ZNF880: variants seen among roughly 807,000 people sequenced by gnomAD.
The protein encoded by ZNF880 is zinc finger protein LOC400713.
ZNF880 carries 12 observed loss-of-function variants against 11.8 expected under a neutral mutation model. The ratio of observed to expected loss-of-function variants is 1.02; its 90% CI spans 0.65 to 1.65. The LOEUF is 1.65. Ranked by LOEUF, ZNF880 falls within the 40% of genes most tolerant of loss-of-function variation. ZNF880 has a pLI of 0.00. For missense variants in ZNF880, 601 were observed against 673.9 expected, an observed-to-expected ratio of 0.89 and a Z score of 1.20; for synonymous variants, 210 against 232.4, an observed-to-expected ratio of 0.90 and a Z score of 0.88.
chr19:52,397,409 T>G, the ZNF880 span: 2 of 152,226 alleles, frequency 1.3e-5, no homozygotes, highest in African/African-American at 4.8e-5. Context: ...CAAAGTGTGT[T>G]AATTCAATTC....
At chr19:52,388,036 C>T (rs34983741), downstream of ZNF880, among the ~76,000 whole-genome samples, 14,678 of 138,532 alleles carry the variant, frequency 0.11, 2,393 homozygotes, top group South Asian at 0.32. Flanking sequence ...CGCACCACCA[C>T]GCCCGGCTAA....
At chr19:52,378,908 T>C (rs1351228069) in intron 3 of ZNF880, among the ~76,000 whole-genome samples, 4 of 151,602 alleles carry the variant, frequency 2.6e-5, no homozygotes, top group Non-Finnish European at 4.4e-5. Flanking sequence ...CAAGAACTTG[T>C]CTCTACAAAA....
chr19:52,369,194 C>G (rs1418349813), upstream of ZNF880, among the ~76,000 whole-genome samples: 1 of 151,400 alleles, frequency 6.6e-6, no homozygotes, highest in African/African-American at 2.4e-5. Context: ...AACCCTGTCT[C>G]TATTAAAAGT....
upstream of ZNF880, among the ~76,000 whole-genome samples, chr19:52,368,081 C>G (rs1266859360): frequency 2.0e-5 from 3 of 151,474 alleles, no homozygotes; most frequent in African/African-American, 7.3e-5. Context: ...TGGTGTGCAC[C>G]TGTAATCCCA....
chr19:52,373,226 T>C lies in ZNF880; in HGVS notation c.128T>C (p.Leu43Pro), dbSNP rs1986443958. 1 of 1,612,066 alleles carries C rather than the reference T, an allele frequency of 6.2e-7. No homozygotes were observed. Among genetic ancestry groups the C allele is most frequent in the Admixed American group, 1.7e-5 (1 of 59,800 alleles). Reference protein sequence around the residue: ...REVMVENYRNLVFLGICLPDL... With the variant: ...REVMVENYRNPVFLGICLPDL... ...GTGATGGTGGAGAACTACAGGAACC[T>C]GGTCTTTCTGGGTGAGGATAATGTC... The change falls in exon 2 of 4, where the codon CTG becomes CCG. Residue 43 changes from leucine (L) to proline (P), a missense_variant. Around this residue, in one of 3 missense-constraint regions of ZNF880, gnomAD observed 420 missense variants for 442.6 expected, o/e 0.95. Transcript: ENST00000422689.
At position 52,384,854 on chromosome 19, in the gene ZNF880, C is replaced by T. The variant is rs762480390; in HGVS notation, c.1274C>T (p.Ala425Val). 7 of 1,452,094 alleles carry T rather than the reference C, an allele frequency of 4.8e-6. No individual in the cohort carries two copies. In the African/African-American group the frequency reaches 1.2e-4, roughly 25 times the overall value. 90.0% of individuals were successfully genotyped at this position (1,452,094 alleles called of 1,614,324 possible). Reference sequence around the variant, plus strand: ...TTTAGAGACTGTTCAGGCCTTACTGCCCATCTACTAATTCACACTGGAGAG... The same window carrying T: ...TTTAGAGACTGTTCAGGCCTTACTGTCCATCTACTAATTCACACTGGAGAG... ...KAFRDCSGLTAHLLIHTGEKP... is the reference protein window; with the variant it reads ...KAFRDCSGLTVHLLIHTGEKP... The change falls in exon 4 of 4, where the codon GCC becomes GTC. Residue 425 changes from alanine (A) to valine (V), a missense_variant. Ala to Val is a moderately conservative substitution (Grantham distance 64, BLOSUM62 0). Around this residue, in one of 3 missense-constraint regions of ZNF880, gnomAD observed 177 missense variants for 214.5 expected, o/e 0.83. Coordinates refer to ENST00000422689, the MANE Select transcript of ZNF880 (RefSeq NM_001145434.2).
chr19:52,386,705 G>C (rs183447845), downstream of ZNF880, among the ~76,000 whole-genome samples: 6 of 139,680 alleles, frequency 4.3e-5, no homozygotes, highest in African/African-American at 1.7e-4. Flanking sequence ...GGGAGGCTGA[G>C]GCAGGAGAAT....
chr19:52,370,234 C>T (rs997323180), intron 1 of ZNF880: 1 of 550,538 alleles, frequency 1.8e-6, no homozygotes, highest in Non-Finnish European at 3.3e-6. Flanking sequence ...GCTTCAAATC[C>T]TTCAGTGACC....
At chr19:52,379,902 TTTA>T (rs975226739) in intron 3 of ZNF880, 8 of 151,722 alleles carry the variant, frequency 5.3e-5, no homozygotes, top group Non-Finnish European at 7.4e-5. Context: ...TATTTTTTTT[TTTA>T]TTATTATTTT....
chr19:52,391,531 AAAG>A, the ZNF880 span: 11 of 152,214 alleles, frequency 7.2e-5, no homozygotes, highest in East Asian at 1.7e-3. Flanking sequence ...AAAGCTAGGA[AAAG>A]AAGGTGAGAA....
upstream of ZNF880, among the ~76,000 whole-genome samples, chr19:52,369,756 T>C (rs1986297406): frequency 6.6e-6 from 1 of 152,096 alleles, no homozygotes; most frequent in African/African-American, 2.4e-5. Context: ...TCAACAAACT[T>C]TCCCTCTGCC....
At chr19:52,395,796 C>G in the ZNF880 span, 1 of 152,188 alleles carries the variant, frequency 6.6e-6, no homozygotes, top group African/African-American at 2.4e-5. Context: ...GGAACACATC[C>G]TGTCCTTTTC....
In ZNF880 at chr19:52,385,015, C is replaced by G. The variant is rs2122419563; in HGVS notation, c.1435C>G (p.Leu479Val). 1 of 1,566,514 alleles carries G rather than the reference C, an allele frequency of 6.4e-7. No homozygotes were observed. Among genetic ancestry groups the G allele is most frequent in the African/African-American group, 1.4e-5 (1 of 73,742 alleles). Residue 479 changes from leucine to valine, a missense_variant, in exon 4 of 4, where the codon CTT becomes GTT. Coordinates refer to ENST00000422689, the MANE Select transcript of ZNF880 (RefSeq NM_001145434.2). ...CGKDFTRNSNLANHHRIHTGE... is the reference protein window; with the variant it reads ...CGKDFTRNSNVANHHRIHTGE... ...CAAGGACTTCACTCGAAATTCAAAC[C>G]TTGCAAATCATCACAGAATCCATAC...
Position 52,385,279 on chromosome 19 carries a change from C to T in ZNF880, c.1699C>T (p.His567Tyr). 6.4e-7 allele frequency: 1 copy of T among 1,551,980 alleles called. No individual in the cohort carries two copies. Among genetic ancestry groups the T allele is most frequent in the Non-Finnish European group, 8.7e-7 (1 of 1,147,170 alleles). ...FTRNSNLANH[H>Y]RIHTGEKPYR ...TCGAAATTCAAACCTGGCAAATCAT[C>T]ACAGAATCCATACTGGAGAGAAACC... The change falls in exon 4 of 4, where the codon CAC becomes TAC. Residue 567 changes from histidine (H) to tyrosine (Y), a missense_variant. This residue lies in a region of ZNF880 where 177 missense variants were observed against 214.5 expected (regional missense o/e 0.83). Coordinates refer to ENST00000422689, the MANE Select transcript of ZNF880 (RefSeq NM_001145434.2).
intron 2 of ZNF880, among the ~76,000 whole-genome samples, chr19:52,373,898 T>G (rs1199427059): frequency 6.6e-6 from 1 of 151,810 alleles, no homozygotes; most frequent in Non-Finnish European, 1.5e-5. Context: ...CTTGAACTCC[T>G]GACCTCGTGA....
the ZNF880 span, chr19:52,396,806 G>C: frequency 6.6e-6 from 1 of 151,936 alleles, no homozygotes; most frequent in Non-Finnish European, 1.5e-5. Context: ...GAGAGGCACA[G>C]GCCTTTACTC....
intron 2 of ZNF880, among the ~76,000 whole-genome samples, chr19:52,373,747 C>G (rs1986465756): frequency 6.9e-6 from 1 of 145,520 alleles, no homozygotes; most frequent in Non-Finnish European, 1.5e-5. Context: ...GATCTCAGCT[C>G]AATGCAACCT....
chr19:52,370,210 C>A, intron 1 of ZNF880: 2 of 570,736 alleles, frequency 3.5e-6, no homozygotes, highest in Middle Eastern at 4.7e-4. Context: ...CAGCTCCTGT[C>A]GCGGAGTTTG....
rs1374961077 is a variant in ZNF880, at chr19:52,384,147, T to C, written c.567T>C (p.His189=). The C allele has an allele frequency of 1.2e-6, 2 of 1,606,158 alleles. No individual in the cohort carries two copies. The highest frequency in any genetic ancestry group is 1.1e-5 in the South Asian group (1 of 90,330). Residue 189 remains histidine (H), a synonymous_variant, in exon 4 of 4, where the codon CAT becomes CAC. Coordinates refer to ENST00000422689, the MANE Select transcript of ZNF880 (RefSeq NM_001145434.2). ...AAAAACCGTGTGAATGTAATGAGCA[T>C]GGCAAAGCCTTTAGAGTGTCTTCAA... ...IREKPCECNE[H]GKAFRVSSRL...
Sources: allele counts gnomAD v4.1 joint callset (sites outside exome capture counted in the v4.1 genomes callset), GRCh38; gene constraint gnomAD v4.1.1; regional missense constraint gnomAD v4.1.1; transcripts MANE v1.5; gene names NCBI Gene and HGNC (gene_info 2026-07-23, HGNC 2026-07-21).